The following CNTNAP5 variants were observed in gnomAD, a reference collection of about 807,000 sequenced individuals.
CNTNAP5 encodes contactin associated protein family member 5, also known as contactin-associated protein-like 5.
Under a neutral mutation model 150.2 loss-of-function variants are expected in CNTNAP5, and 72 were observed. The ratio of observed to expected loss-of-function variants is 0.48; its 90% confidence interval spans 0.40 to 0.58. The LOEUF is 0.58. Among genes scored for constraint, CNTNAP5 ranks in the 20% least tolerant of loss-of-function variants. The pLI, the probability that CNTNAP5 is intolerant of heterozygous loss-of-function variation, is 0.00. For missense variants in CNTNAP5, 1,636 were observed against 1,626.2 expected, an observed-to-expected ratio of 1.01 and a Z score of -0.10; for synonymous variants, 672 against 619.8, an observed-to-expected ratio of 1.08 and a Z score of -1.25.
At chr2:124,385,088 T>TA (rs1690895784) in intron 3 of CNTNAP5, among the ~76,000 whole-genome samples, 1 of 152,212 alleles carries the variant, frequency 6.6e-6, no homozygotes, top group African/African-American at 2.4e-5. Flanking sequence ...AGAGGTCCTC[T>TA]ACCATACCTC....
intron 11 of CNTNAP5, among the ~76,000 whole-genome samples, chr2:124,608,768 A>G (rs1431047314): frequency 6.6e-6 from 1 of 151,940 alleles, no homozygotes; most frequent in Non-Finnish European, 1.5e-5. Flanking sequence ...AATATGGTGA[A>G]ACCCCGTCTC....
chr2:124,355,509 C>A (rs1424574611), intron 3 of CNTNAP5, among the ~76,000 whole-genome samples: 2 of 152,124 alleles, frequency 1.3e-5, no homozygotes, highest in Non-Finnish European at 2.9e-5. Flanking sequence ...ACTGAACCAA[C>A]TTTTCCATGT....
intron 1 of CNTNAP5, among the ~76,000 whole-genome samples, chr2:124,102,260 A>G (rs1683082093): frequency 6.6e-6 from 1 of 152,230 alleles, no homozygotes; most frequent in South Asian, 2.1e-4. Flanking sequence ...CACTTTTCAA[A>G]GAAAGAAAAG....
At chr2:124,783,670 T>C (rs757085110) in intron 17 of CNTNAP5, among the ~76,000 whole-genome samples, 1 of 152,190 alleles carries the variant, frequency 6.6e-6, no homozygotes, top group Non-Finnish European at 1.5e-5. Flanking sequence ...CTGAGGGGGT[T>C]TGGCATTTGG....
At chr2:124,509,502 G>A (rs1694504816) in intron 8 of CNTNAP5, among the ~76,000 whole-genome samples, 1 of 152,000 alleles carries the variant, frequency 6.6e-6, no homozygotes, top group Non-Finnish European at 1.5e-5. Flanking sequence ...ATTGTGCTAG[G>A]GGCTTGTCAT....
intron 19 of CNTNAP5, among the ~76,000 whole-genome samples, chr2:124,834,361 TTC>T (rs1193005236): frequency 2.1e-5 from 3 of 140,382 alleles, no homozygotes; most frequent in Non-Finnish European, 4.6e-5. Context: ...AGACAATTGA[TTC>T]TGTTATTTCA....
chr2:124,643,766 A>G (rs562683705), intron 12 of CNTNAP5, among the ~76,000 whole-genome samples: 1 of 152,350 alleles, frequency 6.6e-6, no homozygotes, highest in Admixed American at 6.5e-5. Context: ...CCATTTTCCA[A>G]TGAGGAAACC....
At chr2:124,525,891 C>G (rs1281587265) in intron 9 of CNTNAP5, among the ~76,000 whole-genome samples, 1 of 152,174 alleles carries the variant, frequency 6.6e-6, no homozygotes, top group African/African-American at 2.4e-5. Context: ...CTCATGAATT[C>G]AATTCCAGAT....
chr2:124,163,411 A>G (rs1684731793), intron 1 of CNTNAP5, among the ~76,000 whole-genome samples: 2 of 151,714 alleles, frequency 1.3e-5, no homozygotes, highest in Admixed American at 1.3e-4. Flanking sequence ...ACCTACTGAC[A>G]GAGAGTTTTC....
chr2:124,914,328 C>G lies in CNTNAP5; in HGVS notation c.*40C>G. 7.4e-7 allele frequency: 1 copy of G among 1,360,328 alleles called. No homozygotes were observed. Among genetic ancestry groups the G allele is most frequent in the Non-Finnish European group, 1.0e-6 (1 of 961,952 alleles). The allele number at this position is 1,360,328 out of a possible 1,614,324, so 84.3% of individuals were successfully genotyped here. On this transcript the variant is annotated 3_prime_UTR_variant, in exon 24 of 24. Coordinates refer to ENST00000682447, the MANE Select transcript of CNTNAP5 (RefSeq NM_001367498.1). ...CCTACTACTCTTTTTTCTTGTTGTTCAATTATCTCCTCCCCCTCTTCTCTC... is the reference window on the plus strand; with the variant it reads ...CCTACTACTCTTTTTTCTTGTTGTTGAATTATCTCCTCCCCCTCTTCTCTC...
chr2:124,620,890 G>T (rs1677601121), intron 12 of CNTNAP5, among the ~76,000 whole-genome samples: 1 of 152,088 alleles, frequency 6.6e-6, no homozygotes, highest in Admixed American at 6.6e-5. Context: ...GACATAGTAT[G>T]AATGATATTA....
intron 13 of CNTNAP5, among the ~76,000 whole-genome samples, chr2:124,674,181 T>C (rs1362219785): frequency 1.3e-5 from 2 of 152,224 alleles, no homozygotes; most frequent in African/African-American, 2.4e-5. Flanking sequence ...TTTAGTCTTA[T>C]TGATTTTTCT....
chr2:124,406,938 T>C (rs1691585366), intron 3 of CNTNAP5, among the ~76,000 whole-genome samples: 1 of 152,218 alleles, frequency 6.6e-6, no homozygotes, highest in Admixed American at 6.5e-5. Flanking sequence ...CACATATGAG[T>C]GCAGACATGT....
rs975231340 is a variant in CNTNAP5, at chr2:124,478,884, A to G, written c.1062+4002A>G. On this transcript the variant is annotated intron_variant, in intron 7 of 23. Coordinates refer to ENST00000682447, the MANE Select transcript of CNTNAP5 (RefSeq NM_001367498.1). ...ATAAAATGTGTTTCAAGGCCCACGG[A>G]AGCTCCAGCCTTTGCCTAACCTAAC... is the stretch of plus-strand genomic sequence containing the variant. Among the ~76,000 whole-genome samples, 3 of 152,302 alleles carry G rather than the reference A, an allele frequency of 2.0e-5. No homozygotes were observed. The East Asian group carries it at 5.8e-4, about 29-fold the overall frequency.
intron 17 of CNTNAP5, among the ~76,000 whole-genome samples, chr2:124,781,626 A>G (rs1681454434): frequency 6.6e-6 from 1 of 152,100 alleles, no homozygotes. Flanking sequence ...CCATCCTTCC[A>G]GATCTTGCTG....
chr2:124,515,937 G>A (rs1326137474), intron 8 of CNTNAP5, among the ~76,000 whole-genome samples: 2 of 152,162 alleles, frequency 1.3e-5, no homozygotes, highest in Non-Finnish European at 1.5e-5. Context: ...TATTTGCTGT[G>A]AGGTCCATGA....
chr2:124,702,869 C>T (rs1679552054), intron 13 of CNTNAP5, among the ~76,000 whole-genome samples: 1 of 152,202 alleles, frequency 6.6e-6, no homozygotes, highest in African/African-American at 2.4e-5. Flanking sequence ...CTCATTTTGT[C>T]ATTTACTTCA....
At chr2:124,139,452 T>A (rs1385289786) in intron 1 of CNTNAP5, among the ~76,000 whole-genome samples, 1 of 152,078 alleles carries the variant, frequency 6.6e-6, no homozygotes, top group Non-Finnish European at 1.5e-5. Flanking sequence ...AGGAGAGTAG[T>A]TCGCACCATG....
intron 1 of CNTNAP5, among the ~76,000 whole-genome samples, chr2:124,154,657 C>T (rs972136119): frequency 6.6e-6 from 1 of 152,090 alleles, no homozygotes; most frequent in Non-Finnish European, 1.5e-5. Context: ...TGCTGAAGTG[C>T]CAGAATGGAC....
Sources: gnomAD v4.1 joint callset for allele counts (sites outside exome capture counted in the v4.1 genomes callset) on GRCh38, gnomAD v4.1.1 for gene constraint, MANE v1.5 for transcripts, NCBI Gene and HGNC (gene_info 2026-07-23, HGNC 2026-07-21) for gene names.